The following ADAMTS10 variants were observed in gnomAD, a reference collection of about 807,000 sequenced individuals.
The protein encoded by ADAMTS10 is ADAM metallopeptidase with thrombospondin type 1 motif 10.
A neutral mutation model predicts 135.9 loss-of-function variants in ADAMTS10; 48 were observed. That is an observed-to-expected ratio of 0.35 (90% CI 0.28 to 0.45). The LOEUF is 0.45. Among genes scored for constraint, ADAMTS10 ranks in the 20% least tolerant of loss-of-function variants. The probability of loss-of-function intolerance (pLI) is 1.00; values close to 1 mark genes in which losing one functional copy is unlikely to be tolerated. For missense variants in ADAMTS10, 1,131 were observed against 1,565.2 expected (o/e 0.72, Z 4.68); for synonymous variants, 621 against 647.5 (o/e 0.96, Z 0.62).
In ADAMTS10 at chr19:8,590,582, C is replaced by T. The variant is rs561362534; in HGVS notation, c.1798-591G>A. 4.6e-5 allele frequency among the ~76,000 whole-genome samples: 7 copies of T among 152,290 alleles called. No homozygotes were observed. The South Asian group carries it at 1.4e-3, about 32-fold the overall frequency. On this transcript the variant is annotated intron_variant, in intron 15 of 25. Coordinates refer to ENST00000597188, the MANE Select transcript of ADAMTS10 (RefSeq NM_030957.4). ...CAAGTGATTCTCCTGCCTCAGCCTC[C>T]CAAGTAGCTGGGACTACAGGCGCGT...
In ADAMTS10 at chr19:8,589,946, C is replaced by T; in HGVS notation, c.1843G>A (p.Glu615Lys). The change falls in exon 16 of 26, where the codon GAA (glutamate) becomes AAA (lysine). Residue 615 changes from glutamate to lysine, a missense_variant. By Grantham distance (56) the Glu-to-Lys change is moderately conservative (BLOSUM62 1). Coordinates refer to ENST00000597188, the MANE Select transcript of ADAMTS10 (RefSeq NM_030957.4). ...CCACGGAAAGGGATGCTGTCAAATTCAGAACACTGCACTTCTCTGAAGTCC... is the reference window on the plus strand; with the variant it reads ...CCACGGAAAGGGATGCTGTCAAATTTAGAACACTGCACTTCTCTGAAGTCC... ...SQDFREVQCS[E>K]FDSIPFRGKF... is the part of the protein sequence containing the mutation. 1 of 1,614,070 alleles carries T rather than the reference C, an allele frequency of 6.2e-7. No individual in the cohort carries two copies. Among genetic ancestry groups the T allele is most frequent in the Non-Finnish European group, 8.5e-7 (1 of 1,180,032 alleles).
At chr19:8,586,073 G>A (rs1555737028) in intron 22 of ADAMTS10, 49 bp downstream of exon 22, 1 of 1,611,336 alleles carries the variant, frequency 6.2e-7, no homozygotes, top group East Asian at 2.2e-5. Context: ...TGACTCCAGG[G>A]AGTACTCTCC....
chr19:8,590,660 A>G (rs1458935398), intron 15 of ADAMTS10, among the ~76,000 whole-genome samples: 7 of 152,096 alleles, frequency 4.6e-5, no homozygotes, highest in African/African-American at 1.7e-4. Context: ...GGGTTTCACC[A>G]TGTTAGCCAG....
Position 8,605,556 on chromosome 19 carries a change from G to T in ADAMTS10, c.88+67C>A, listed in dbSNP as rs2146103698. On this transcript the variant is annotated intron_variant, in intron 3 of 25. Coordinates refer to ENST00000597188, the MANE Select transcript of ADAMTS10 (RefSeq NM_030957.4). This position sits in a 1 kb window ranked among gnomAD's most constrained non-coding sequence, Gnocchi z 7.7. ...TCCCAGCCCCCTGATGCCTCTTTCTGTTGGAGCCCAACTGGTCTCTTACAT... is the reference window on the plus strand; with the variant it reads ...TCCCAGCCCCCTGATGCCTCTTTCTTTTGGAGCCCAACTGGTCTCTTACAT... 3 of 1,547,190 alleles carry T rather than the reference G, an allele frequency of 1.9e-6. No individual in the cohort carries two copies. Among genetic ancestry groups the T allele is most frequent in the Non-Finnish European group, 2.6e-6 (3 of 1,142,262 alleles).
At chr19:8,608,989 A>G (rs1418204346) in intron 1 of ADAMTS10, among the ~76,000 whole-genome samples, 3 of 149,628 alleles carry the variant, frequency 2.0e-5, no homozygotes, top group African/African-American at 4.9e-5. Context: ...GGTGTGACAC[A>G]GCCCAGGGCA....
chr19:8,586,164 G>C lies in ADAMTS10; in HGVS notation c.2618C>G (p.Pro873Arg). 6.2e-7 allele frequency: 1 copy of C among 1,612,732 alleles called. No homozygotes were observed. Among genetic ancestry groups the C allele is most frequent in the South Asian group, 1.1e-5 (1 of 91,048 alleles). The change falls in exon 22 of 26, where the codon CCC becomes CGC. Residue 873 changes from proline (P) to arginine (R), a missense_variant. Pro to Arg is a moderately radical substitution (Grantham distance 103). Coordinates refer to ENST00000597188, the MANE Select transcript of ADAMTS10 (RefSeq NM_030957.4). The stretch of plus-strand genomic sequence containing the variant: ...CGTGTTGCAGGCGCGCTGCCTTTTG[G>C]GCAGCTTGCTGTGGGCACTGCAGTA... ...PHYCSAHSKL[P>R]KRQRACNTEP...
At chr19:8,592,345 C>A in intron 13 of ADAMTS10, 1 of 742,990 alleles carries the variant, frequency 1.3e-6, no homozygotes, top group East Asian at 2.7e-5. Flanking sequence ...GTAGACAGGA[C>A]CACGATAAGC....
Position 8,605,472 on chromosome 19 carries a change from G to C in ADAMTS10, c.89-114C>G. 3 of 1,470,538 alleles carry C rather than the reference G, an allele frequency of 2.0e-6. No homozygotes were observed. Among genetic ancestry groups the C allele is most frequent in the South Asian group, 1.2e-5 (1 of 81,818 alleles). The allele number at this position is 1,470,538 out of a possible 1,614,324, so 91.1% of individuals were successfully genotyped here. A position where few individuals can be genotyped will look rare whatever the true frequency, so the allele number is the denominator to read the frequency against. On this transcript the variant is annotated intron_variant, in intron 3 of 25. Transcript: ENST00000597188. This position sits in a 1 kb window ranked among gnomAD's most constrained non-coding sequence, Gnocchi z 7.7. Reference sequence around the variant, plus strand: ...TGGCCTCACTGACCCCCGAAATCCAGGGAGTTGGCTGCAAGGCTCCCGCCT... The same window carrying C: ...TGGCCTCACTGACCCCCGAAATCCACGGAGTTGGCTGCAAGGCTCCCGCCT...
At position 8,605,248 on chromosome 19, in the gene ADAMTS10, C is replaced by T. The variant is rs539576977; in HGVS notation, c.199G>A (p.Gly67Ser). 2.5e-5 allele frequency: 41 copies of T among 1,613,168 alleles called. No individual in the cohort carries two copies. Among genetic ancestry groups the T allele is most frequent in the Middle Eastern group, 1.6e-4 (1 of 6,062 alleles). Reference protein sequence around the residue: ...SPPPPRRQRRGTGATAESRLF... With the variant: ...SPPPPRRQRRSTGATAESRLF... ...CGGGACTCGGCTGTGGCCCCCGTGC[C>T]GCGGCGCTGCCTCCGGGGAGGAGGT... Residue 67 changes from glycine (G) to serine (S), a missense_variant, in exon 4 of 26, where the codon GGC becomes AGC. Coordinates refer to ENST00000597188, the MANE Select transcript of ADAMTS10 (RefSeq NM_030957.4). The surrounding 1 kb of genome is among the most constrained non-coding windows in gnomAD (Gnocchi z 7.7).
chr19:8,593,212 C>T (rs2042564442), intron 12 of ADAMTS10: 1 of 367,438 alleles, frequency 2.7e-6, no homozygotes, highest in African/African-American at 2.1e-5. Flanking sequence ...CTCTTTAATT[C>T]AGAGTCTGTG....
At chr19:8,597,696 T>C (rs2042621298) in intron 6 of ADAMTS10, among the ~76,000 whole-genome samples, 1 of 152,148 alleles carries the variant, frequency 6.6e-6, no homozygotes, top group South Asian at 2.1e-4. Context: ...GCTGCAGTGC[T>C]GCGGTGCAAT....
At chr19:8,597,906 C>T (rs1158916758) in intron 6 of ADAMTS10, among the ~76,000 whole-genome samples, 3 of 151,092 alleles carry the variant, frequency 2.0e-5, no homozygotes, top group African/African-American at 4.9e-5. Context: ...TGGGTTCAAG[C>T]GATTCTCCTG....
chr19:8,586,028 T>C, intron 22 of ADAMTS10, 94 bp downstream of exon 22: 1 of 1,592,542 alleles, frequency 6.3e-7, no homozygotes, highest in Non-Finnish European at 8.6e-7. Flanking sequence ...GACTCTGCAC[T>C]AATCTGCTCC....
Position 8,589,236 on chromosome 19 carries a change from T to G in ADAMTS10, c.2158+6A>C. 1 of 1,612,450 alleles carries G rather than the reference T, an allele frequency of 6.2e-7. No individual in the cohort carries two copies. The highest frequency in any genetic ancestry group is 1.3e-5 in the African/African-American group (1 of 74,998). On this transcript the variant is annotated splice_donor_region_variant and intron_variant, in intron 18 of 25. Transcript: ENST00000597188. Reference sequence around the variant, plus strand: ...GGAGTGTGGGAGGGAAGCTGGAGACTCTCACCGGCCCCAGGTGAGGCTGGG... The same window carrying G: ...GGAGTGTGGGAGGGAAGCTGGAGACGCTCACCGGCCCCAGGTGAGGCTGGG...
intron 6 of ADAMTS10, 69 bp downstream of exon 6, chr19:8,600,859 C>T (rs1812315090): frequency 1.3e-6 from 2 of 1,581,684 alleles, no homozygotes; most frequent in Non-Finnish European, 1.7e-6. Context: ...GTAGCCACCC[C>T]CTTGCCTAAC....
chr19:8,592,348 C>T, intron 13 of ADAMTS10: 1 of 737,286 alleles, frequency 1.4e-6, no homozygotes, highest in East Asian at 2.7e-5. Context: ...GACAGGACCA[C>T]GATAAGCGTG....
At position 8,589,351 on chromosome 19, in the gene ADAMTS10, G is replaced by A. The variant is rs1555738209; in HGVS notation, c.2049C>T (p.Asp683=). 1 of 1,612,230 alleles carries A rather than the reference G, an allele frequency of 6.2e-7. No homozygotes were observed. Among genetic ancestry groups the A allele is most frequent in the Non-Finnish European group, 8.5e-7 (1 of 1,179,910 alleles). The change falls in exon 18 of 26, where the codon GAC becomes GAT. Residue 683 remains aspartate, a synonymous_variant. Transcript: ENST00000597188. The stretch of plus-strand genomic sequence containing the variant: ...CCCGCAGGTCGGAGCCCAGGACTCG[G>A]TCGCAGCCCACGTGCTGCGTGGAGA... The part of the protein sequence containing the change: ...VSGECKHVGC[D]RVLGSDLRED...
chr19:8,585,039 C>A lies in ADAMTS10; in HGVS notation c.3058G>T (p.Gly1020Cys). The change falls in exon 25 of 26, where the codon GGC becomes TGC. Residue 1020 changes from glycine to cysteine, a missense_variant. By Grantham distance (159) the Gly-to-Cys change is radical. Coordinates refer to ENST00000597188, the MANE Select transcript of ADAMTS10 (RefSeq NM_030957.4). ...GEWGECSAQC[G>C]VGQRQRSVRC... The stretch of plus-strand genomic sequence containing the variant: ...ACCGAGCGCTGCCGCTGCCCGACGC[C>A]GCACTGTGCAGAGCACTGCGAGGGG... 6.5e-7 allele frequency: 1 copy of A among 1,530,490 alleles called. No homozygotes were observed. 94.8% of individuals were successfully genotyped at this position (1,530,490 alleles called of 1,614,324 possible). A position where few individuals can be genotyped will look rare whatever the true frequency, so the allele number is the denominator to read the frequency against.
At chr19:8,608,492 G>C (rs1439571949) in intron 1 of ADAMTS10, among the ~76,000 whole-genome samples, 2 of 152,012 alleles carry the variant, frequency 1.3e-5, no homozygotes, top group African/African-American at 4.8e-5. Context: ...CCAACTCCCA[G>C]ATCAAGGCCC....
Sources: allele counts gnomAD v4.1 joint callset (sites outside exome capture counted in the v4.1 genomes callset), GRCh38; gene constraint gnomAD v4.1.1; non-coding constraint Gnocchi (gnomAD v3.1); transcripts MANE v1.5; gene names NCBI Gene and HGNC (gene_info 2026-07-23, HGNC 2026-07-21).